Variants in CCDC125 observed in about 807,000 individuals in gnomAD.
The protein encoded by CCDC125 is coiled-coil domain-containing protein 125.
In CCDC125, 43 loss-of-function variants were observed where a neutral mutation model predicts 57.4. The ratio of observed to expected loss-of-function variants is 0.75; its 90% CI spans 0.59 to 0.97. The LOEUF (loss-of-function observed/expected upper bound fraction) is 0.97. CCDC125 is among the 50% of genes least tolerant of loss of function. CCDC125 has a pLI of 0.00. For synonymous variants in CCDC125, 187 were observed against 195.2 expected (o/e 0.96, Z 0.35); for missense variants, 563 against 595.7 (o/e 0.95, Z 0.57).
In CCDC125 at chr5:69,282,639, A is replaced by G; in HGVS notation, c.*90T>C. 6 of 1,086,192 alleles carry G rather than the reference A, an allele frequency of 5.5e-6. No homozygotes were observed. Among genetic ancestry groups the G allele is most frequent in the Admixed American group, 2.5e-5 (1 of 40,464 alleles). 67.3% of individuals were successfully genotyped at this position (1,086,192 alleles called of 1,614,324 possible). Reference sequence around the variant, plus strand: ...TTTAGAAATACCTAGGAAACATACAACTTCTCAAGATGCAGCAAAATTTAC... The same window carrying G: ...TTTAGAAATACCTAGGAAACATACAGCTTCTCAAGATGCAGCAAAATTTAC... On this transcript the variant is annotated 3_prime_UTR_variant, in exon 12 of 12. Transcript: ENST00000396496.
intron 8 of CCDC125, among the ~76,000 whole-genome samples, chr5:69,295,713 T>C (rs1356315193): frequency 6.6e-6 from 1 of 152,150 alleles, no homozygotes; most frequent in Non-Finnish European, 1.5e-5. Flanking sequence ...ATGTTAAATA[T>C]ACCTTCCCCA....
intron 9 of CCDC125, among the ~76,000 whole-genome samples, chr5:69,294,523 C>G (rs1169293426): frequency 6.6e-6 from 1 of 152,172 alleles, no homozygotes; most frequent in South Asian, 2.1e-4. Flanking sequence ...AAACTCCTGA[C>G]CTCAGGTGAT....
Position 69,328,491 on chromosome 5 carries a change from TAAAATA to T in CCDC125, c.-41+4152_-41+4157del, listed in dbSNP as rs535894960. ...GAAACCCCATCTCAAAAAATAAAAATAAAATAAAAATAAAAATAAAAATACTATGTA... is the reference window on the plus strand; with the variant it reads ...GAAACCCCATCTCAAAAAATAAAAATAAAATAAAAATAAAAATACTATGTA... On this transcript the variant is annotated intron_variant, in intron 1 of 11. Transcript: ENST00000396496. 3.0e-3 allele frequency among the ~76,000 whole-genome samples: 459 copies of T among 151,304 alleles called. 4 individuals are homozygous for T. Among genetic ancestry groups the T allele is most frequent in the African/African-American group, 0.011 (443 of 41,316 alleles).
chr5:69,276,390 C>T (rs1752142060), downstream of CCDC125, among the ~76,000 whole-genome samples: 1 of 152,168 alleles, frequency 6.6e-6, no homozygotes, highest in Admixed American at 6.5e-5. Context: ...TAGTAATTTC[C>T]ATTTGCAAAT....
chr5:69,295,353 A>G (rs1397998383), intron 8 of CCDC125, among the ~76,000 whole-genome samples: 1 of 152,194 alleles, frequency 6.6e-6, no homozygotes, highest in Non-Finnish European at 1.5e-5. Flanking sequence ...GGGAATTGTA[A>G]TATATAATGA....
chr5:69,300,787 A>G (rs750012485), intron 7 of CCDC125, among the ~76,000 whole-genome samples: 2 of 151,856 alleles, frequency 1.3e-5, no homozygotes, highest in Non-Finnish European at 2.9e-5. Flanking sequence ...CGTTTATACA[A>G]CTCAGCTAAG....
chr5:69,306,834 C>T lies in CCDC125; in HGVS notation c.600G>A (p.Trp200Ter). The change falls in exon 6 of 12, where the codon TGG (tryptophan) becomes TGA (stop). Residue 200 changes from tryptophan to a stop codon, truncating the protein, a stop_gained. Transcript: ENST00000396496. LOFTEE classifies it high-confidence loss of function. ...ATACAAACCTGTCATATTTTTGGAT[C>T]CAAGATTCCTCTATATTTTTAAATC... ...HNRFKNIEES[W>*]IQKYDRLNCE... 1.3e-6 allele frequency: 2 copies of T among 1,499,272 alleles called. No individual in the cohort carries two copies. Among genetic ancestry groups the T allele is most frequent in the Non-Finnish European group, 1.8e-6 (2 of 1,127,584 alleles). The allele number at this position is 1,499,272 out of a possible 1,614,324, so 92.9% of individuals were successfully genotyped here. A position where few individuals can be genotyped will look rare whatever the true frequency, so the allele number is the denominator to read the frequency against.
At position 69,326,895 on chromosome 5, in the gene CCDC125, G is replaced by A. The variant is rs572048774; in HGVS notation, c.-41+5754C>T. 1.6e-3 allele frequency among the ~76,000 whole-genome samples: 239 copies of A among 151,832 alleles called. 2 individuals carry two copies. In the Middle Eastern group the frequency reaches 0.017, roughly 11 times the overall value. ...TGAGACCTCATGTCTACAAAAAAAGGAAAAAAAGAAAACTGCTGGGCATGG... is the reference window on the plus strand; with the variant it reads ...TGAGACCTCATGTCTACAAAAAAAGAAAAAAAAGAAAACTGCTGGGCATGG... On this transcript the variant is annotated intron_variant, in intron 1 of 11. Transcript: ENST00000396496.
chr5:69,317,973 ATTTTTTTTTTTTTTT>A (rs34680998), intron 2 of CCDC125, among the ~76,000 whole-genome samples: 1 of 82,354 alleles, frequency 1.2e-5, no homozygotes, highest in East Asian at 3.8e-4. Flanking sequence ...TGTCTCTAGA[ATTTTTTTTTTTTTTT>A]TTTTTTTTTT....
downstream of CCDC125, among the ~76,000 whole-genome samples, chr5:69,277,633 G>A (rs1242118172): frequency 2.0e-5 from 3 of 152,038 alleles, no homozygotes; most frequent in East Asian, 1.9e-4. Context: ...AGCTGGGCGT[G>A]GTGGTGGGCG....
chr5:69,329,163 G>A (rs528512059), intron 1 of CCDC125, among the ~76,000 whole-genome samples: 1 of 151,644 alleles, frequency 6.6e-6, no homozygotes, highest in African/African-American at 2.4e-5. Context: ...ATGTGTCAAC[G>A]TTTAGGATTA....
intron 1 of CCDC125, among the ~76,000 whole-genome samples, chr5:69,323,121 A>G (rs1360737374): frequency 1.3e-5 from 2 of 151,952 alleles, no homozygotes; most frequent in African/African-American, 4.8e-5. Context: ...AGTCTGGCCA[A>G]TATGGTGAAA....
the CCDC125 span, among the ~76,000 whole-genome samples, chr5:69,273,435 C>T: frequency 6.6e-6 from 1 of 152,206 alleles, no homozygotes; most frequent in South Asian, 2.1e-4. Flanking sequence ...GTAGTTTGTT[C>T]GGCTTATTTT....
chr5:69,323,139 T>C (rs567497631), intron 1 of CCDC125, among the ~76,000 whole-genome samples: 5 of 151,858 alleles, frequency 3.3e-5, no homozygotes, highest in Middle Eastern at 3.4e-3. Context: ...AAACCCCATC[T>C]CTACTAAAAA....
At chr5:69,293,001 T>C (rs1166386728) in intron 9 of CCDC125, among the ~76,000 whole-genome samples, 1 of 151,758 alleles carries the variant, frequency 6.6e-6, no homozygotes, top group Non-Finnish European at 1.5e-5. Context: ...TTGCCACGCC[T>C]GGCTAATTTT....
intron 2 of CCDC125, among the ~76,000 whole-genome samples, chr5:69,318,902 A>G (rs893381805): frequency 1.3e-5 from 2 of 151,152 alleles, no homozygotes; most frequent in South Asian, 2.1e-4. Context: ...CCACTGCCCA[A>G]TGTTACACAT....
chr5:69,304,200 G>A (rs1420339708), intron 6 of CCDC125, among the ~76,000 whole-genome samples: 1 of 151,540 alleles, frequency 6.6e-6, no homozygotes, highest in Non-Finnish European at 1.5e-5. Context: ...CACCTCTTGG[G>A]TTCAAGTGAT....
intron 11 of CCDC125, among the ~76,000 whole-genome samples, chr5:69,285,040 TG>T (rs2150293773): frequency 6.6e-6 from 1 of 152,128 alleles, no homozygotes; most frequent in South Asian, 2.1e-4. Context: ...GAGGTTGCAG[TG>T]AGCCGAGATC....
chr5:69,326,814 G>A (rs1359745947), intron 1 of CCDC125, among the ~76,000 whole-genome samples: 1 of 151,834 alleles, frequency 6.6e-6, no homozygotes, highest in African/African-American at 2.4e-5. Context: ...ACTTTGTGAG[G>A]CCAAAGAAGG....
Sources: allele counts gnomAD v4.1 joint callset (sites outside exome capture counted in the v4.1 genomes callset), GRCh38; gene constraint gnomAD v4.1.1; transcripts MANE v1.5; gene names NCBI Gene and HGNC (gene_info 2026-07-23, HGNC 2026-07-21).